Variants in CMTM8 observed in about 807,000 individuals in gnomAD.
The protein encoded by CMTM8 is CKLF like MARVEL transmembrane domain containing 8.
Under a neutral mutation model 18.6 loss-of-function variants are expected in CMTM8, and 12 were observed. The observed-to-expected ratio is 0.65, with a 90% confidence interval of 0.41 to 1.05. CMTM8 has a LOEUF of 1.05. CMTM8 is among the 50% of genes least tolerant of loss of function. The pLI, the probability that CMTM8 is intolerant of heterozygous loss-of-function variation, is 0.00. For synonymous variants in CMTM8, 87 were observed against 90.6 expected, an observed-to-expected ratio of 0.96 and a Z score of 0.23; for missense variants, 217 against 227.2, an observed-to-expected ratio of 0.95 and a Z score of 0.29.
intron 1 of CMTM8, among the ~76,000 whole-genome samples, chr3:32,283,200 A>C (rs1702632171): frequency 6.6e-6 from 1 of 152,194 alleles, no homozygotes; most frequent in Admixed American, 6.5e-5. Flanking sequence ...TAATGAAAAA[A>C]GTTGAGAATC....
chr3:32,321,685 C>T (rs889460085), intron 1 of CMTM8, among the ~76,000 whole-genome samples: 2 of 152,322 alleles, frequency 1.3e-5, no homozygotes, highest in East Asian at 3.9e-4. Context: ...GCAGCCCTGA[C>T]TTCCCGGGCT....
At chr3:32,260,540 T>C (rs1395422111) in intron 1 of CMTM8, among the ~76,000 whole-genome samples, 3 of 152,338 alleles carry the variant, frequency 2.0e-5, no homozygotes, top group East Asian at 3.9e-4. Context: ...ACTACTTGTA[T>C]GTGCTTGGGT....
chr3:32,277,379 T>A (rs1202066175), intron 1 of CMTM8, among the ~76,000 whole-genome samples: 3 of 148,044 alleles, frequency 2.0e-5, no homozygotes, highest in African/African-American at 8.0e-5. Flanking sequence ...TCCCTTTGTC[T>A]TTCTTTCTTT....
intron 1 of CMTM8, among the ~76,000 whole-genome samples, chr3:32,264,945 T>C (rs1702313409): frequency 6.6e-6 from 1 of 152,104 alleles, no homozygotes. Context: ...GCACCCAGAT[T>C]CATAAAGCAA....
chr3:32,264,388 C>T (rs1433942334), intron 1 of CMTM8, among the ~76,000 whole-genome samples: 2 of 152,172 alleles, frequency 1.3e-5, no homozygotes, highest in Non-Finnish European at 2.9e-5. Context: ...AAATCCTTTA[C>T]AGACAAGCAA....
chr3:32,295,888 C>T (rs756342850), intron 1 of CMTM8, among the ~76,000 whole-genome samples: 1 of 152,178 alleles, frequency 6.6e-6, no homozygotes, highest in Non-Finnish European at 1.5e-5. Context: ...ACTGGACCTC[C>T]AGTTCCTAAA....
At chr3:32,267,332 C>G (rs1405069351) in intron 1 of CMTM8, among the ~76,000 whole-genome samples, 7 of 151,976 alleles carry the variant, frequency 4.6e-5, no homozygotes, top group Non-Finnish European at 5.9e-5. Context: ...ACAAACCTGA[C>G]AAAAACAAGA....
At chr3:32,368,317 C>T (rs1262581720) in intron 3 of CMTM8, among the ~76,000 whole-genome samples, 1 of 151,946 alleles carries the variant, frequency 6.6e-6, no homozygotes, top group Non-Finnish European at 1.5e-5. Context: ...AGAAAATGAA[C>T]AGAATATAAT....
At chr3:32,347,297 G>GTT (rs56826485) in intron 1 of CMTM8, among the ~76,000 whole-genome samples, 72,845 of 137,198 alleles carry the variant, frequency 0.53, 20,514 homozygotes, top group Non-Finnish European at 0.62. Flanking sequence ...TTTTGCTTAG[G>GTT]TTTTTTTTTT....
chr3:32,369,514 G>T (rs1559392911), intron 3 of CMTM8, among the ~76,000 whole-genome samples: 1 of 151,932 alleles, frequency 6.6e-6, no homozygotes, highest in Non-Finnish European at 1.5e-5. Context: ...GCTTACTCTG[G>T]CCCACTCGAC....
rs1430969305 is a variant in CMTM8 at position 32,315,124 on chromosome 3, TC to T, written c.148-42248del. ...ACAGCCTCTGTTTTCTTCTTCTTCT[TC>T]TTCTTTTTTTTTTTTTCTTTTTGAG... On this transcript the variant is annotated intron_variant, in intron 1 of 3. Coordinates refer to ENST00000307526, the MANE Select transcript of CMTM8 (RefSeq NM_178868.5). Among the ~76,000 whole-genome samples the T allele has an allele frequency of 8.4e-4, 119 of 141,352 alleles. 1 individual carries two copies. Among genetic ancestry groups the T allele is most frequent in the African/African-American group, 2.2e-3 (84 of 38,478 alleles). 92.7% of individuals were successfully genotyped at this position (141,352 alleles called of 152,430 possible).
chr3:32,333,969 A>G (rs1026023925), intron 1 of CMTM8, among the ~76,000 whole-genome samples: 5 of 151,344 alleles, frequency 3.3e-5, no homozygotes, highest in African/African-American at 1.2e-4. Flanking sequence ...GTTCCAATCA[A>G]TTTTTCTTTT....
chr3:32,364,643 T>C (rs1460098395), intron 2 of CMTM8, among the ~76,000 whole-genome samples: 1 of 152,196 alleles, frequency 6.6e-6, no homozygotes, highest in Non-Finnish European at 1.5e-5. Context: ...CCTTCCCAAA[T>C]GTTCACTTAA....
intron 1 of CMTM8, among the ~76,000 whole-genome samples, chr3:32,276,899 T>G (rs1195328976): frequency 6.6e-6 from 1 of 152,166 alleles, no homozygotes; most frequent in East Asian, 1.9e-4. Context: ...AGAAATTTTT[T>G]TTTTTTGAGA....
intron 1 of CMTM8, among the ~76,000 whole-genome samples, chr3:32,349,154 T>C (rs1412791669): frequency 2.6e-5 from 4 of 152,096 alleles, no homozygotes. Context: ...CTCTGCCCTG[T>C]TATATAGGCT....
intron 1 of CMTM8, among the ~76,000 whole-genome samples, chr3:32,349,216 G>A (rs1282834929): frequency 6.6e-6 from 1 of 152,070 alleles, no homozygotes; most frequent in Non-Finnish European, 1.5e-5. Flanking sequence ...TGCTTTAAGA[G>A]TGCAAAGCTC....
chr3:32,339,817 G>A (rs1047099593), intron 1 of CMTM8, among the ~76,000 whole-genome samples: 1 of 152,132 alleles, frequency 6.6e-6, no homozygotes, highest in Non-Finnish European at 1.5e-5. Flanking sequence ...CAAAAAATTA[G>A]CCAGGTGATG....
intron 1 of CMTM8, among the ~76,000 whole-genome samples, chr3:32,336,572 A>T (rs1040379648): frequency 6.6e-6 from 1 of 152,258 alleles, no homozygotes; most frequent in African/African-American, 2.4e-5. Context: ...TGTGTGGCTA[A>T]ATGAGATGTG....
chr3:32,275,068 A>G (rs1003963628), intron 1 of CMTM8, among the ~76,000 whole-genome samples: 11 of 152,158 alleles, frequency 7.2e-5, no homozygotes, highest in Non-Finnish European at 1.3e-4. Context: ...CAGTGGTGCA[A>G]TCATGGCTCA....
Sources: gnomAD v4.1 joint callset for allele counts (sites outside exome capture counted in the v4.1 genomes callset) on GRCh38, gnomAD v4.1.1 for gene constraint, MANE v1.5 for transcripts, NCBI Gene and HGNC (gene_info 2026-07-23, HGNC 2026-07-21) for gene names.